Variants in C8orf34 observed in about 807,000 individuals in gnomAD.
C8orf34 encodes the protein uncharacterized protein C8orf34.
In C8orf34, 65 loss-of-function variants were observed where a neutral mutation model predicts 68.3. That is an observed-to-expected ratio of 0.95 (90% CI 0.78 to 1.17). The LOEUF (loss-of-function observed/expected upper bound fraction) is 1.17, where lower values mean the gene tolerates loss of function less well. Ranked by LOEUF, C8orf34 falls within the 50% of genes most tolerant of loss-of-function variation. C8orf34 has a pLI of 0.00. For synonymous variants in C8orf34, 244 were observed against 241.2 expected (o/e 1.01, Z -0.11); for missense variants, 664 against 655.4 (o/e 1.01, Z -0.14).
chr8:68,606,535 G>A (rs1280323795), intron 7 of C8orf34, among the ~76,000 whole-genome samples: 2 of 152,166 alleles, frequency 1.3e-5, no homozygotes, highest in East Asian at 3.9e-4. Flanking sequence ...TAAGAGATTT[G>A]ATGTCACATA....
At chr8:68,564,229 G>A (rs986728927) in intron 7 of C8orf34, among the ~76,000 whole-genome samples, 4 of 151,904 alleles carry the variant, frequency 2.6e-5, no homozygotes, top group East Asian at 1.9e-4. Flanking sequence ...CTTGCAAAAC[G>A]GCATTTGCAA....
intron 8 of C8orf34, among the ~76,000 whole-genome samples, chr8:68,663,905 A>C (rs1819760337): frequency 6.6e-6 from 1 of 152,232 alleles, no homozygotes; most frequent in Non-Finnish European, 1.5e-5. Flanking sequence ...TGGGGCAAAG[A>C]AAGTGACTTT....
rs144187811 is a variant in C8orf34 at position 68,602,564 on chromosome 8, C to G, written c.1106-37812C>G. 2.8e-4 allele frequency among the ~76,000 whole-genome samples: 43 copies of G among 152,182 alleles called. No homozygotes were observed. The East Asian group carries it at 7.0e-3, about 25-fold the overall frequency. ...CCACCCCCATGATTAAATTACCTCC[C>G]ACCAGGTCCCTCCCACAACACATGG... is the stretch of plus-strand genomic sequence containing the variant. On this transcript the variant is annotated intron_variant, in intron 7 of 13. Coordinates refer to ENST00000518698, the MANE Select transcript of C8orf34 (RefSeq NM_052958.4).
At chr8:68,539,617 C>T (rs887250838) in intron 7 of C8orf34, among the ~76,000 whole-genome samples, 2 of 152,084 alleles carry the variant, frequency 1.3e-5, no homozygotes, top group East Asian at 1.9e-4. Context: ...TTTGGGAGGC[C>T]GAGGCAGGTG....
At chr8:68,701,502 G>A (rs1258167319) in intron 8 of C8orf34, among the ~76,000 whole-genome samples, 3 of 151,028 alleles carry the variant, frequency 2.0e-5, no homozygotes, top group African/African-American at 7.3e-5. Flanking sequence ...GCTCAGGTCA[G>A]AAATATTCAC....
intron 10 of C8orf34, among the ~76,000 whole-genome samples, chr8:68,773,525 C>T (rs1455131940): frequency 6.6e-6 from 1 of 151,978 alleles, no homozygotes; most frequent in Non-Finnish European, 1.5e-5. Context: ...CTCAGCCTCC[C>T]GAGTAGCTAG....
intron 8 of C8orf34, among the ~76,000 whole-genome samples, chr8:68,651,815 G>A (rs1187687309): frequency 6.6e-6 from 1 of 152,130 alleles, no homozygotes; most frequent in Non-Finnish European, 1.5e-5. Flanking sequence ...GTCACCATTT[G>A]AGTGATGAGT....
At chr8:68,787,391 G>A in intron 11 of C8orf34, 52 bp from the exon 12 acceptor site, 1 of 1,268,210 alleles carries the variant, frequency 7.9e-7, no homozygotes, top group Non-Finnish European at 1.1e-6. Context: ...CCACATTAAT[G>A]TTCATGATAT....
intron 4 of C8orf34, among the ~76,000 whole-genome samples, chr8:68,469,895 T>C (rs933480273): frequency 4.0e-5 from 6 of 151,378 alleles, no homozygotes; most frequent in African/African-American, 1.5e-4. Context: ...TATGCTTATA[T>C]ATGTAATTAT....
intron 5 of C8orf34, among the ~76,000 whole-genome samples, chr8:68,510,072 G>A (rs913443336): frequency 9.9e-5 from 15 of 152,100 alleles, no homozygotes; most frequent in Non-Finnish European, 1.6e-4. Flanking sequence ...AACATCTGTC[G>A]TTGTCTGCCT....
chr8:68,394,852 T>C (rs1339150316), intron 1 of C8orf34, among the ~76,000 whole-genome samples: 1 of 152,042 alleles, frequency 6.6e-6, no homozygotes, highest in Non-Finnish European at 1.5e-5. Flanking sequence ...CTGTAGAAAA[T>C]ACTAAGGAAT....
At chr8:68,334,308 G>T (rs1210205947) in intron 1 of C8orf34, among the ~76,000 whole-genome samples, 1 of 151,958 alleles carries the variant, frequency 6.6e-6, no homozygotes, top group Non-Finnish European at 1.5e-5. Flanking sequence ...CATTGCATTA[G>T]AATTCTGGAC....
intron 5 of C8orf34, among the ~76,000 whole-genome samples, chr8:68,514,545 T>G (rs1814422134): frequency 6.6e-6 from 1 of 152,208 alleles, no homozygotes; most frequent in Non-Finnish European, 1.5e-5. Context: ...GGTTATTTTC[T>G]CCTAAGCTTT....
intron 12 of C8orf34, 106 bp from the exon 13 acceptor site, chr8:68,815,780 A>T: frequency 6.3e-7 from 1 of 1,586,532 alleles, no homozygotes; most frequent in Non-Finnish European, 8.6e-7. Flanking sequence ...TTTAATATTA[A>T]TTTCAATTAA....
At chr8:68,637,543 G>T (rs1054645247) in intron 7 of C8orf34, among the ~76,000 whole-genome samples, 5 of 152,002 alleles carry the variant, frequency 3.3e-5, no homozygotes, top group African/African-American at 1.2e-4. Flanking sequence ...AACACACAGG[G>T]ATCCAGAAAA....
chr8:68,411,928 C>A (rs1809460811), intron 1 of C8orf34, among the ~76,000 whole-genome samples: 3 of 152,120 alleles, frequency 2.0e-5, no homozygotes, highest in Admixed American at 6.5e-5. Context: ...GAATGTGAAG[C>A]CTTTGGGAGG....
chr8:68,459,802 G>A (rs916005467), intron 3 of C8orf34, among the ~76,000 whole-genome samples: 3 of 152,154 alleles, frequency 2.0e-5, no homozygotes, highest in African/African-American at 4.8e-5. Flanking sequence ...CTTGGTGCAG[G>A]GTGAGAGCCA....
chr8:68,424,860 A>G lies in C8orf34; in HGVS notation c.328-14639A>G, dbSNP rs544889274. 2.0e-5 allele frequency among the ~76,000 whole-genome samples: 3 copies of G among 152,274 alleles called. No homozygotes were observed. The South Asian group carries it at 6.2e-4, about 32-fold the overall frequency. On this transcript the variant is annotated intron_variant, in intron 1 of 13. Transcript: ENST00000518698. ...GCTTGCAGTGAGCTGAGATTGCGCC[A>G]CTGCACTCCAGCCTGGGTGACAGAG...
chr8:68,428,152 C>T (rs1810306706), intron 1 of C8orf34, among the ~76,000 whole-genome samples: 1 of 151,552 alleles, frequency 6.6e-6, no homozygotes, highest in Non-Finnish European at 1.5e-5. Context: ...TATCTTCAAG[C>T]TTAAAAAGCA....
Sources: gnomAD v4.1 joint callset for allele counts (sites outside exome capture counted in the v4.1 genomes callset) on GRCh38, gnomAD v4.1.1 for gene constraint, MANE v1.5 for transcripts, NCBI Gene and HGNC (gene_info 2026-07-23, HGNC 2026-07-21) for gene names.